CYBA: variants seen among roughly 807,000 people sequenced by gnomAD.
CYBA encodes the protein cytochrome b-245 light chain.
In CYBA, 21 loss-of-function variants were observed where a neutral mutation model predicts 20.8. That is an observed-to-expected ratio of 1.01 (90% CI 0.72 to 1.46). The LOEUF is 1.46. Ranked by LOEUF, CYBA falls within the 40% of genes most tolerant of loss-of-function variation. The pLI is 0.00. For synonymous variants in CYBA, 164 were observed against 127.5 expected, an observed-to-expected ratio of 1.29 and a Z score of -1.93; for missense variants, 344 against 287.0, an observed-to-expected ratio of 1.20 and a Z score of -1.43.
chr16:88,649,861 G>C (rs1391907720), intron 1 of CYBA, among the ~76,000 whole-genome samples: 1 of 152,224 alleles, frequency 6.6e-6, no homozygotes, highest in African/African-American at 2.4e-5. Flanking sequence ...CTCCCAGCTG[G>C]GTGCCCTCAG....
intron 1 of CYBA, among the ~76,000 whole-genome samples, chr16:88,649,920 G>A (rs1264013939): frequency 2.0e-5 from 3 of 152,166 alleles, no homozygotes; most frequent in African/African-American, 4.8e-5. Flanking sequence ...TGAGTCTCAC[G>A]GGGCAGCTCT....
At chr16:88,644,485 A>G (rs1410561382) in intron 5 of CYBA, among the ~76,000 whole-genome samples, 9 of 152,250 alleles carry the variant, frequency 5.9e-5, no homozygotes, top group Admixed American at 5.2e-4. Context: ...TAAAGGTTAC[A>G]AAGGCTAAAT....
intron 5 of CYBA, among the ~76,000 whole-genome samples, chr16:88,644,147 G>A (rs1907192768): frequency 1.3e-5 from 2 of 152,266 alleles, no homozygotes; most frequent in Admixed American, 1.3e-4. Flanking sequence ...GGACCTGGGA[G>A]TGTGTGCTTT....
chr16:88,643,676 C>G lies in CYBA; in HGVS notation c.370-105G>C, dbSNP rs1907173947. On this transcript the variant is annotated intron_variant, in intron 5 of 5. Coordinates refer to ENST00000261623, the MANE Select transcript of CYBA (RefSeq NM_000101.4). This position sits in a 1 kb window ranked among gnomAD's most constrained non-coding sequence, Gnocchi z 4.3. Reference sequence around the variant, plus strand: ...TAGGGGCCCTGGGACAGGCTCAAGTCTGAATCCCACGCAGGATGGTGTGAC... The same window carrying G: ...TAGGGGCCCTGGGACAGGCTCAAGTGTGAATCCCACGCAGGATGGTGTGAC... 1 of 1,062,994 alleles carries G rather than the reference C, an allele frequency of 9.4e-7. No individual in the cohort carries two copies. The highest frequency in any genetic ancestry group is 1.6e-5 in the African/African-American group (1 of 60,888). 65.8% of individuals were successfully genotyped at this position (1,062,994 alleles called of 1,614,324 possible).
At chr16:88,647,674 G>A (rs768554425) in intron 2 of CYBA, 15 of 395,670 alleles carry the variant, frequency 3.8e-5, no homozygotes, top group Non-Finnish European at 6.2e-5. Flanking sequence ...CGCAAGGTCC[G>A]GCTGGGCGGC....
intron 1 of CYBA, among the ~76,000 whole-genome samples, chr16:88,650,039 C>T (rs544771781): frequency 1.3e-5 from 2 of 152,282 alleles, no homozygotes; most frequent in African/African-American, 4.8e-5. Context: ...TCCAGCCCTC[C>T]CACCCTGAGG....
intron 1 of CYBA, among the ~76,000 whole-genome samples, 175 bp from the exon 2 acceptor site, chr16:88,648,289 G>GGT (rs1258736328): frequency 2.0e-5 from 3 of 152,234 alleles, no homozygotes; most frequent in Non-Finnish European, 4.4e-5. Flanking sequence ...CACTGGTGAA[G>GGT]AGCAGAGCCT....
At chr16:88,647,698 G>A (rs1907339994) in intron 2 of CYBA, 5 of 430,328 alleles carry the variant, frequency 1.2e-5, no homozygotes, top group South Asian at 2.1e-5. Context: ...GCTGAGATGG[G>A]GCAGAGGAGG....
At chr16:88,649,159 G>C (rs72558363) in intron 1 of CYBA, among the ~76,000 whole-genome samples, 59 of 151,314 alleles carry the variant, frequency 3.9e-4, no homozygotes, top group South Asian at 1.3e-3. Flanking sequence ...GGATGGTCTC[G>C]ATCTCCTGAC....
intron 2 of CYBA, chr16:88,647,662 G>A: frequency 2.6e-6 from 1 of 385,632 alleles, no homozygotes; most frequent in Non-Finnish European, 4.9e-6. Flanking sequence ...AGTGCTCCTT[G>A]TCGCAAGGTC....
Position 88,644,291 on chromosome 16 carries a change from G to C in CYBA, c.370-720C>G, listed in dbSNP as rs148831999. The stretch of plus-strand genomic sequence containing the variant: ...CATTCCATTCTGAAAAGCAAAACTA[G>C]AAGGCTGATAGAAGAAAAGGCAGGA... On this transcript the variant is annotated intron_variant, in intron 5 of 5. Coordinates refer to ENST00000261623, the MANE Select transcript of CYBA (RefSeq NM_000101.4). 7.0e-3 allele frequency among the ~76,000 whole-genome samples: 1,065 copies of C among 152,320 alleles called. 14 individuals are homozygous for C. The highest frequency in any genetic ancestry group is 6.9e-3 in the Non-Finnish European group (469 of 68,022).
chr16:88,645,952 C>T (rs965661282), intron 5 of CYBA, 164 bp downstream of exon 5: 16 of 631,804 alleles, frequency 2.5e-5, no homozygotes, highest in Admixed American at 1.6e-4. Context: ...CAGCAGCAAC[C>T]GCTGCGTCCC....
At chr16:88,650,240 A>C in intron 1 of CYBA, 1 of 389,776 alleles carries the variant, frequency 2.6e-6, no homozygotes, top group Non-Finnish European at 5.3e-6. Context: ...ACCTCGCCTG[A>C]GCCCAGCCTC....
intron 2 of CYBA, among the ~76,000 whole-genome samples, chr16:88,647,511 G>A (rs943461356): frequency 6.6e-6 from 1 of 152,236 alleles, no homozygotes; most frequent in Non-Finnish European, 1.5e-5. Context: ...ACTGCAGCCT[G>A]GGGGACAGAG....
intron 2 of CYBA, 105 bp from the exon 3 acceptor site, chr16:88,647,280 G>T: frequency 1.8e-6 from 2 of 1,112,366 alleles, no homozygotes; most frequent in Non-Finnish European, 2.6e-6. Flanking sequence ...GGTGGCTCAT[G>T]CCTGGAATCC....
rs1405692106 is a variant in CYBA at position 88,646,791 on chromosome 16, G to A, written c.251C>T (p.Thr84Ile). The A allele has an allele frequency of 6.2e-7, 1 of 1,613,998 alleles. No individual in the cohort carries two copies. The highest frequency in any genetic ancestry group is 1.7e-5 in the Admixed American group (1 of 60,012). Residue 84 changes from threonine (T) to isoleucine (I), a missense_variant, in exon 4 of 6, where the codon ACC becomes ATC. Transcript: ENST00000261623. ...GACGGCCCGAACATAGTAATTCCTG[G>A]TAAAGGGCCCGAACAGCTTCACCAC... ...TAVVKLFGPF[T>I]RNYYVRAVLH... is the part of the protein sequence containing the mutation.
intron 1 of CYBA, among the ~76,000 whole-genome samples, chr16:88,649,336 CGGA>C (rs1318930656): frequency 6.6e-5 from 10 of 152,192 alleles, no homozygotes; most frequent in Admixed American, 6.5e-4. Flanking sequence ...CTGTCTGCGT[CGGA>C]GGAGGGGAGG....
chr16:88,647,576 C>G (rs1907335905), intron 2 of CYBA: 1 of 365,694 alleles, frequency 2.7e-6, no homozygotes, highest in African/African-American at 2.1e-5. Flanking sequence ...GTCACAGAGC[C>G]AGGAGGCAGC....
At position 88,646,813 on chromosome 16, in the gene CYBA, C is replaced by T. The variant is rs1410568051; in HGVS notation, c.229G>A (p.Val77Met). 8 of 1,613,962 alleles carry T rather than the reference C, an allele frequency of 5.0e-6. No homozygotes were observed. The Admixed American group carries it at 1.2e-4, about 24-fold the overall frequency. ...RWGQKYMTAV[V>M]KLFGPFTRNY... ...CTGGTAAAGGGCCCGAACAGCTTCACCACGGCGGTCATGTACTTCTGTCCC... is the reference window on the plus strand; with the variant it reads ...CTGGTAAAGGGCCCGAACAGCTTCATCACGGCGGTCATGTACTTCTGTCCC... Residue 77 changes from valine to methionine, a missense_variant, in exon 4 of 6, where the codon GTG (valine) becomes ATG (methionine). Val to Met is a conservative substitution (Grantham distance 21). Coordinates refer to ENST00000261623, the MANE Select transcript of CYBA (RefSeq NM_000101.4).
Sources: gnomAD v4.1 joint callset for allele counts (sites outside exome capture counted in the v4.1 genomes callset) on GRCh38, gnomAD v4.1.1 for gene constraint, Gnocchi (gnomAD v3.1) non-coding constraint, MANE v1.5 for transcripts, NCBI Gene and HGNC (gene_info 2026-07-23, HGNC 2026-07-21) for gene names.